Variants in CPQ observed in about 807,000 individuals in gnomAD.
CPQ encodes the protein Ser-Met dipeptidase.
In CPQ, 37 loss-of-function variants were observed where a neutral mutation model predicts 45.7. The observed-to-expected ratio is 0.81, with a 90% confidence interval of 0.62 to 1.07. The LOEUF is 1.07. Among genes scored for constraint, CPQ ranks in the 50% least tolerant of loss-of-function variants. CPQ has a pLI of 0.00. For missense variants in CPQ, 537 were observed against 572.9 expected, an observed-to-expected ratio of 0.94 and a Z score of 0.64; for synonymous variants, 186 against 205.8, an observed-to-expected ratio of 0.90 and a Z score of 0.82.
chr8:96,771,311 T>A (rs1407093534), intron 1 of CPQ, among the ~76,000 whole-genome samples: 1 of 151,960 alleles, frequency 6.6e-6, no homozygotes, highest in Non-Finnish European at 1.5e-5. Flanking sequence ...TCTAGTAGAA[T>A]GTCAAAACCA....
At chr8:97,112,717 G>A (rs899650587) in intron 7 of CPQ, among the ~76,000 whole-genome samples, 13 of 152,192 alleles carry the variant, frequency 8.5e-5, no homozygotes, top group African/African-American at 3.1e-4. Flanking sequence ...ATGGATCAGA[G>A]GGCAACACTG....
intron 5 of CPQ, among the ~76,000 whole-genome samples, chr8:97,017,516 T>C (rs563814272): frequency 6.6e-6 from 1 of 152,296 alleles, no homozygotes; most frequent in Admixed American, 6.5e-5. Context: ...CTGGGGCAAG[T>C]TCTCAGCCCT....
At chr8:96,849,127 G>T (rs1811738580) in intron 3 of CPQ, among the ~76,000 whole-genome samples, 1 of 152,168 alleles carries the variant, frequency 6.6e-6, no homozygotes, top group Non-Finnish European at 1.5e-5. Flanking sequence ...AGATGCATTT[G>T]CTCTTTGAGC....
At position 96,722,363 on chromosome 8, in the gene CPQ, G is replaced by T. The variant is rs571830609; in HGVS notation, c.-34-62501G>T. Among the ~76,000 whole-genome samples the T allele has an allele frequency of 1.2e-3, 182 of 152,216 alleles. 4 individuals carry two copies. The highest frequency in any genetic ancestry group is 0.012 in the Admixed American group (182 of 15,292). On this transcript the variant is annotated intron_variant, in intron 1 of 7. Transcript: ENST00000220763. ...TTGGCAAACTATGGCCCTGGGACCAGATCTGGCCTGCTCTCTGCTTTTGTA... is the reference window on the plus strand; with the variant it reads ...TTGGCAAACTATGGCCCTGGGACCATATCTGGCCTGCTCTCTGCTTTTGTA...
chr8:97,133,203 T>C (rs886107436), intron 7 of CPQ: 3 of 152,164 alleles, frequency 2.0e-5, no homozygotes, highest in Non-Finnish European at 4.4e-5. Flanking sequence ...TATATACATA[T>C]ATTTATATTT....
chr8:96,944,143 T>A (rs760034238), intron 4 of CPQ, among the ~76,000 whole-genome samples: 6 of 152,110 alleles, frequency 3.9e-5, no homozygotes, highest in Non-Finnish European at 7.4e-5. Flanking sequence ...TTTAGTGTTA[T>A]CAAAAACACA....
Position 96,868,138 on chromosome 8 carries a change from C to T in CPQ, c.642-11660C>T, listed in dbSNP as rs116155623. Among the ~76,000 whole-genome samples, 795 of 152,138 alleles carry T rather than the reference C, an allele frequency of 5.2e-3. 3 individuals carry two copies. Among genetic ancestry groups the T allele is most frequent in the African/African-American group, 0.015 (638 of 41,524 alleles). On this transcript the variant is annotated intron_variant, in intron 3 of 7. Coordinates refer to ENST00000220763, the MANE Select transcript of CPQ (RefSeq NM_016134.4). ...TTCCAGAGAGTGGCTGCTCCATTAG[C>T]GTGGATCCCAGAGTGAGGTTGAGGC...
At chr8:96,647,183 T>C (rs1815528432) in intron 1 of CPQ, among the ~76,000 whole-genome samples, 1 of 152,228 alleles carries the variant, frequency 6.6e-6, no homozygotes, top group African/African-American at 2.4e-5. Flanking sequence ...TATTTTTGCA[T>C]GCTACATTTA....
intron 5 of CPQ, among the ~76,000 whole-genome samples, chr8:96,967,530 C>T (rs896173893): frequency 5.9e-5 from 9 of 152,138 alleles, no homozygotes; most frequent in African/African-American, 1.7e-4. Context: ...GAATTGAATT[C>T]AGTTGCATGG....
At chr8:96,881,109 A>C (rs1812218103) in intron 4 of CPQ, among the ~76,000 whole-genome samples, 1 of 152,166 alleles carries the variant, frequency 6.6e-6, no homozygotes, top group South Asian at 2.1e-4. Context: ...TTATTGTGTT[A>C]ATTATCTTAT....
intron 2 of CPQ, among the ~76,000 whole-genome samples, chr8:96,804,567 C>G (rs1380325065): frequency 2.7e-5 from 4 of 150,908 alleles, no homozygotes; most frequent in African/African-American, 9.7e-5. Flanking sequence ...AGGAAAATAT[C>G]TAGTTTTTTT....
At chr8:97,020,184 A>T (rs1350936176) in intron 5 of CPQ, among the ~76,000 whole-genome samples, 4 of 152,172 alleles carry the variant, frequency 2.6e-5, no homozygotes, top group Non-Finnish European at 1.5e-5. Context: ...ACTGAGTGAC[A>T]GTAGTGACAT....
At chr8:96,772,696 A>C (rs560317429) in intron 1 of CPQ, among the ~76,000 whole-genome samples, 2 of 152,276 alleles carry the variant, frequency 1.3e-5, no homozygotes, top group African/African-American at 4.8e-5. Flanking sequence ...CAACAATATA[A>C]AATGTTTTAG....
chr8:96,697,965 G>T (rs113878598), intron 1 of CPQ, among the ~76,000 whole-genome samples: 3,692 of 152,012 alleles, frequency 0.024, 166 homozygotes, highest in African/African-American at 0.084. Context: ...TCCCTATCAT[G>T]ATACCAATGA....
intron 7 of CPQ, among the ~76,000 whole-genome samples, chr8:97,122,302 AAAAAAG>A (rs1811719226): frequency 6.6e-6 from 1 of 152,148 alleles, no homozygotes; most frequent in South Asian, 2.1e-4. Context: ...CACATTATAT[AAAAAAG>A]AAAAAGATGA....
intron 1 of CPQ, among the ~76,000 whole-genome samples, chr8:96,717,481 TGGGTA>T (rs1809697306): frequency 6.6e-6 from 1 of 152,118 alleles, no homozygotes; most frequent in East Asian, 1.9e-4. Context: ...AGTCTGAAGC[TGGGTA>T]ATTTGATGCC....
chr8:96,966,088 A>C, intron 5 of CPQ, 42 bp downstream of exon 5: 3 of 1,407,562 alleles, frequency 2.1e-6, no homozygotes, highest in Non-Finnish European at 3.0e-6. Context: ...TGAGGATCTC[A>C]GTGACATGTT....
At chr8:96,713,692 T>C (rs1287250132) in intron 1 of CPQ, among the ~76,000 whole-genome samples, 1 of 152,082 alleles carries the variant, frequency 6.6e-6, no homozygotes, top group Non-Finnish European at 1.5e-5. Context: ...GAACTACAAC[T>C]CAAGATGAGA....
chr8:97,061,811 G>C (rs1810556481), intron 6 of CPQ, among the ~76,000 whole-genome samples: 1 of 152,104 alleles, frequency 6.6e-6, no homozygotes, highest in Non-Finnish European at 1.5e-5. Context: ...TAATGCTACT[G>C]TTTACCAAGT....
Sources: gnomAD v4.1 joint callset for allele counts (sites outside exome capture counted in the v4.1 genomes callset) on GRCh38, gnomAD v4.1.1 for gene constraint, MANE v1.5 for transcripts, NCBI Gene and HGNC (gene_info 2026-07-23, HGNC 2026-07-21) for gene names.